The following PLA2G7 variants were observed in gnomAD, a reference collection of about 807,000 sequenced individuals.
PLA2G7 encodes the protein platelet-activating factor acetylhydrolase.
In PLA2G7, 63 loss-of-function variants were observed where a neutral mutation model predicts 49.6. That is an observed-to-expected ratio of 1.27 (90% CI 1.04 to 1.57). The LOEUF (loss-of-function observed/expected upper bound fraction) is 1.57. Ranked by LOEUF, PLA2G7 falls within the 40% of genes most tolerant of loss-of-function variation. The pLI is 0.00. For synonymous variants in PLA2G7, 193 were observed against 169.9 expected, an observed-to-expected ratio of 1.14 and a Z score of -1.06; for missense variants, 596 against 521.2, an observed-to-expected ratio of 1.14 and a Z score of -1.40.
intron 9 of PLA2G7, 142 bp from the exon 10 acceptor site, chr6:46,708,303 T>C: frequency 5.6e-6 from 4 of 718,758 alleles, no homozygotes; most frequent in Admixed American, 4.0e-5. Context: ...AGAGGTATCA[T>C]ACTTCAATGT....
Position 46,704,231 on chromosome 6 carries a change from AC to A in PLA2G7, c.*328del, listed in dbSNP as rs747425172. ...ACTGGGATTTTGCCTGTTTTAATCT[AC>A]TTGTCTGTCAAAGTAATGTAAAAAC... On this transcript the variant is annotated 3_prime_UTR_variant, in exon 12 of 12. Transcript: ENST00000274793. 2 of 274,968 alleles carry A rather than the reference AC, an allele frequency of 7.3e-6. No homozygotes were observed. The highest frequency in any genetic ancestry group is 1.4e-5 in the Non-Finnish European group (2 of 141,426). 17.0% of individuals were successfully genotyped at this position (274,968 alleles called of 1,614,324 possible). A position where few individuals can be genotyped will look rare whatever the true frequency, so the allele number is the denominator to read the frequency against.
chr6:46,724,803 C>T (rs1233746883), intron 1 of PLA2G7, among the ~76,000 whole-genome samples: 3 of 152,226 alleles, frequency 2.0e-5, no homozygotes, highest in Non-Finnish European at 4.4e-5. Context: ...GGAAATAAAC[C>T]TTTGCTGTGT....
intron 1 of PLA2G7, among the ~76,000 whole-genome samples, chr6:46,723,730 G>A (rs1286923463): frequency 1.3e-5 from 2 of 152,156 alleles, no homozygotes; most frequent in East Asian, 1.9e-4. Context: ...CACCTCTAAC[G>A]AGTCTCCCTG....
chr6:46,714,654 T>C, intron 4 of PLA2G7, 101 bp from the exon 5 acceptor site: 4 of 771,836 alleles, frequency 5.2e-6, no homozygotes, highest in Non-Finnish European at 9.4e-6. Flanking sequence ...ATCTGATTTA[T>C]ATCTACTTTT....
At chr6:46,732,021 T>C (rs560950695) in intron 1 of PLA2G7, among the ~76,000 whole-genome samples, 3 of 152,276 alleles carry the variant, frequency 2.0e-5, no homozygotes, top group East Asian at 3.9e-4. Context: ...AAATCAATTA[T>C]GTCACATCTC....
In PLA2G7 at chr6:46,707,973, TAA is replaced by T. The variant is rs767338436; in HGVS notation, c.1040+16_1040+17del. The T allele has an allele frequency of 7.4e-6, 11 of 1,478,828 alleles. No homozygotes were observed. Among genetic ancestry groups the T allele is most frequent in the Non-Finnish European group, 1.0e-5 (11 of 1,061,348 alleles). 91.6% of individuals were successfully genotyped at this position (1,478,828 alleles called of 1,614,324 possible). A position where few individuals can be genotyped will look rare whatever the true frequency, so the allele number is the denominator to read the frequency against. On this transcript the variant is annotated intron_variant, in intron 10 of 11. Coordinates refer to ENST00000274793, the MANE Select transcript of PLA2G7 (RefSeq NM_005084.4). ...TTCAAGTTTGTTTCACATAATGAAA[TAA>T]GTCACTAATACTTACCTGATTGTAA...
chr6:46,709,339 T>C lies in PLA2G7; in HGVS notation c.857A>G (p.Asp286Gly). ...CTTATTTTCTTACCTGAATCTCTGA[T>C]CTTCACTAAGAGTCTGAATAACCGT... ...GATVIQTLSEDQRFRCGIALD... is the reference protein window; with the variant it reads ...GATVIQTLSEGQRFRCGIALD... Residue 286 changes from aspartate to glycine, a missense_variant, in exon 9 of 12, where the codon GAT becomes GGT. Physicochemically the swap from Asp to Gly is moderately conservative, Grantham distance 94. Transcript: ENST00000274793. The C allele has an allele frequency of 6.3e-7, 1 of 1,583,582 alleles. No homozygotes were observed. The highest frequency in any genetic ancestry group is 8.7e-7 in the Non-Finnish European group (1 of 1,152,630).
At chr6:46,712,363 T>A in intron 5 of PLA2G7, 26 bp from the exon 6 acceptor site, 1 of 1,539,400 alleles carries the variant, frequency 6.5e-7, no homozygotes. Context: ...AGGGAAGAAT[T>A]ACAACTACCA....
At chr6:46,733,029 CT>C (rs1409470659) in intron 1 of PLA2G7, among the ~76,000 whole-genome samples, 1 of 152,126 alleles carries the variant, frequency 6.6e-6, no homozygotes, top group Non-Finnish European at 1.5e-5. Context: ...CAATATCCAC[CT>C]TCCTTTCCAG....
intron 7 of PLA2G7, 29 bp from the exon 8 acceptor site, chr6:46,710,687 A>G (rs773049231): frequency 2.6e-6 from 4 of 1,520,640 alleles, no homozygotes; most frequent in Non-Finnish European, 3.7e-6. Context: ...GAAGGAAATG[A>G]CAAAGTAAAA....
At chr6:46,708,275 G>C in intron 9 of PLA2G7, 114 bp from the exon 10 acceptor site, 1 of 818,510 alleles carries the variant, frequency 1.2e-6, no homozygotes, top group Admixed American at 1.8e-5. Flanking sequence ...TTTATTATGG[G>C]TTATCTCATT....
chr6:46,716,033 T>A (rs1765188136), intron 4 of PLA2G7, among the ~76,000 whole-genome samples: 1 of 152,240 alleles, frequency 6.6e-6, no homozygotes, highest in Admixed American at 6.5e-5. Context: ...TCTTTTTGTC[T>A]AACTTTAGCA....
chr6:46,717,297 A>G (rs1473547601), intron 2 of PLA2G7, among the ~76,000 whole-genome samples: 1 of 152,174 alleles, frequency 6.6e-6, no homozygotes, highest in Non-Finnish European at 1.5e-5. Flanking sequence ...TAAAGAGATG[A>G]AAGTAGACAT....
chr6:46,707,379 C>A (rs1279391644), intron 10 of PLA2G7, among the ~76,000 whole-genome samples: 1 of 152,158 alleles, frequency 6.6e-6, no homozygotes, highest in East Asian at 1.9e-4. Flanking sequence ...TAGTTTGGAT[C>A]TGTGTCCCCA....
chr6:46,716,570 C>A (rs906270883), intron 3 of PLA2G7, 42 bp from the exon 4 acceptor site: 1 of 1,599,440 alleles, frequency 6.3e-7, no homozygotes, highest in Non-Finnish European at 8.6e-7. Context: ...GAAGTTGTGT[C>A]TCAAACATAT....
chr6:46,726,274 A>G (rs943404088), intron 1 of PLA2G7, among the ~76,000 whole-genome samples: 2 of 152,218 alleles, frequency 1.3e-5, no homozygotes, highest in African/African-American at 4.8e-5. Context: ...GCACTCCAAT[A>G]TTATAACCAA....
At position 46,708,039 on chromosome 6, in the gene PLA2G7, A is replaced by C. The variant is rs201533861; in HGVS notation, c.992T>G (p.Met331Arg). The C allele has an allele frequency of 4.1e-5, 66 of 1,593,462 alleles. No homozygotes were observed. The highest frequency in any genetic ancestry group is 5.3e-5 in the Non-Finnish European group (62 of 1,162,188). ...TTTATCAGGTGAGTAGCATTTTTTC[A>C]TTTTTATGATATTAGCAGGATATTG... is the stretch of plus-strand genomic sequence containing the variant. ...YFQYPANIIK[M>R]KKCYSPDKER... Residue 331 changes from methionine (M) to arginine (R), a missense_variant, in exon 10 of 12, where the codon ATG (methionine) becomes AGG (arginine). By Grantham distance (91) the Met-to-Arg change is moderately conservative (BLOSUM62 -1). Transcript: ENST00000274793.
intron 1 of PLA2G7, among the ~76,000 whole-genome samples, chr6:46,730,737 G>A (rs1186874610): frequency 6.6e-6 from 1 of 152,152 alleles, no homozygotes; most frequent in Non-Finnish European, 1.5e-5. Context: ...TTTTAAAGGA[G>A]CAACTAATTC....
At chr6:46,710,711 A>G (rs1764987568) in intron 7 of PLA2G7, 53 bp from the exon 8 acceptor site, 2 of 1,380,890 alleles carry the variant, frequency 1.4e-6, no homozygotes, top group East Asian at 4.6e-5. Flanking sequence ...TATAACACTT[A>G]TTTTAAAGTT....
Sources: allele counts gnomAD v4.1 joint callset (sites outside exome capture counted in the v4.1 genomes callset), GRCh38; gene constraint gnomAD v4.1.1; transcripts MANE v1.5; gene names NCBI Gene and HGNC (gene_info 2026-07-23, HGNC 2026-07-21).